Variants in AGBL4 observed in about 807,000 individuals in gnomAD.
The protein encoded by AGBL4 is cytosolic carboxypeptidase 6.
AGBL4 carries 58 observed loss-of-function variants against 66.4 expected under a neutral mutation model. The observed-to-expected ratio is 0.87, with a 90% CI of 0.71 to 1.09. AGBL4 has a LOEUF of 1.09. Among genes scored for constraint, AGBL4 ranks in the 50% least tolerant of loss-of-function variants. The pLI is 0.00. For synonymous variants in AGBL4, 234 were observed against 222.9 expected (o/e 1.05, Z -0.44); for missense variants, 579 against 631.0 (o/e 0.92, Z 0.88).
chr1:49,915,729 A>C (rs2148222111), intron 1 of AGBL4, among the ~76,000 whole-genome samples: 1 of 152,298 alleles, frequency 6.6e-6, no homozygotes, highest in Admixed American at 6.5e-5. Flanking sequence ...AGAGCTTTGA[A>C]GAGAGTAGTG....
chr1:48,552,641 C>A (rs1644265748), intron 11 of AGBL4, among the ~76,000 whole-genome samples: 1 of 152,164 alleles, frequency 6.6e-6, no homozygotes, highest in Non-Finnish European at 1.5e-5. Flanking sequence ...CTCATTGTGA[C>A]AACCAAGTGT....
chr1:49,917,877 A>G (rs1222600993), intron 1 of AGBL4, among the ~76,000 whole-genome samples: 1 of 152,170 alleles, frequency 6.6e-6, no homozygotes, highest in African/African-American at 2.4e-5. Context: ...AAATTATAAC[A>G]AACTCTCTCT....
chr1:48,634,907 A>G (rs319984), intron 8 of AGBL4, among the ~76,000 whole-genome samples: 72,193 of 151,986 alleles, frequency 0.47, 18,959 homozygotes, highest in Middle Eastern at 0.66. Flanking sequence ...ATAGACACAC[A>G]TGCACATCTT....
Position 49,877,450 on chromosome 1 carries a change from C to T in AGBL4, c.35-25932G>A, listed in dbSNP as rs916060349. On this transcript the variant is annotated intron_variant, in intron 1 of 13. Coordinates refer to ENST00000371839, the MANE Select transcript of AGBL4 (RefSeq NM_032785.4). ...TTTTGTCTTTGGTTCTGTTTATATG[C>T]TGGATTACATTTATTGATTTGCGTA... 5.7e-4 allele frequency among the ~76,000 whole-genome samples: 87 copies of T among 151,610 alleles called. 2 individuals are homozygous for T. The highest frequency in any genetic ancestry group is 2.0e-3 in the African/African-American group (84 of 41,168).
chr1:49,801,784 T>G (rs1248107088), intron 2 of AGBL4, among the ~76,000 whole-genome samples: 1 of 152,172 alleles, frequency 6.6e-6, no homozygotes, highest in African/African-American at 2.4e-5. Context: ...ACAGGCAATT[T>G]CTTAAAAAGC....
intron 6 of AGBL4, among the ~76,000 whole-genome samples, chr1:48,663,724 A>T (rs1463980962): frequency 6.6e-6 from 1 of 152,224 alleles, no homozygotes; most frequent in Non-Finnish European, 1.5e-5. Flanking sequence ...TAGAGAAGGT[A>T]GCTATTTATA....
intron 3 of AGBL4, among the ~76,000 whole-genome samples, chr1:49,277,874 T>C (rs1380670418): frequency 6.6e-6 from 1 of 152,182 alleles, no homozygotes; most frequent in Non-Finnish European, 1.5e-5. Context: ...CTGAATGGTG[T>C]TCAATAAAGC....
intron 1 of AGBL4, among the ~76,000 whole-genome samples, chr1:50,007,334 A>C (rs2148429858): frequency 1.3e-5 from 2 of 152,346 alleles, no homozygotes; most frequent in South Asian, 4.1e-4. Flanking sequence ...CAATCAAAAA[A>C]CAAGTAACAA....
intron 3 of AGBL4, among the ~76,000 whole-genome samples, chr1:49,518,755 G>A (rs1461459962): frequency 1.3e-5 from 2 of 152,038 alleles, no homozygotes; most frequent in Admixed American, 1.3e-4. Context: ...ATTAAAAGAT[G>A]GTTCTGATTT....
chr1:48,804,919 T>C (rs550141819), intron 6 of AGBL4, among the ~76,000 whole-genome samples: 2 of 152,348 alleles, frequency 1.3e-5, no homozygotes, highest in African/African-American at 4.8e-5. Flanking sequence ...TTTTAGGGCT[T>C]GCCATATTCT....
At chr1:48,907,905 A>T (rs1426687902) in intron 5 of AGBL4, among the ~76,000 whole-genome samples, 5 of 152,268 alleles carry the variant, frequency 3.3e-5, no homozygotes, top group African/African-American at 9.6e-5. Context: ...CCAGGCCAAG[A>T]AAAGGAGGGT....
At chr1:49,832,719 G>A (rs1042358102) in intron 2 of AGBL4, among the ~76,000 whole-genome samples, 50 of 152,206 alleles carry the variant, frequency 3.3e-4, no homozygotes, top group African/African-American at 1.1e-3. Context: ...TCTCATTGTG[G>A]TTTTGATTTG....
chr1:48,744,843 C>T (rs1650480273), intron 6 of AGBL4, among the ~76,000 whole-genome samples: 1 of 152,208 alleles, frequency 6.6e-6, no homozygotes, highest in South Asian at 2.1e-4. Flanking sequence ...TTCACCTCTG[C>T]TCAGGTACCC....
chr1:49,980,043 C>T (rs867582209), intron 1 of AGBL4, among the ~76,000 whole-genome samples: 7 of 151,880 alleles, frequency 4.6e-5, no homozygotes, highest in East Asian at 3.9e-4. Flanking sequence ...CTCTAACTTA[C>T]GGTAGGAATA....
At chr1:48,527,260 A>G in the AGBL4 span, among the ~76,000 whole-genome samples, 1 of 152,102 alleles carries the variant, frequency 6.6e-6, no homozygotes, top group African/African-American at 2.4e-5. Context: ...CCCCAAAGAC[A>G]TTAAATGATA....
intron 3 of AGBL4, among the ~76,000 whole-genome samples, chr1:49,428,936 C>T (rs1313727297): frequency 6.6e-6 from 1 of 152,200 alleles, no homozygotes; most frequent in Non-Finnish European, 1.5e-5. Context: ...CCCAAATTTG[C>T]CAGCCATTCT....
chr1:49,236,273 C>A (rs1650736751), intron 4 of AGBL4, among the ~76,000 whole-genome samples: 1 of 152,030 alleles, frequency 6.6e-6, no homozygotes, highest in Non-Finnish European at 1.5e-5. Context: ...ACTGATCCAC[C>A]CTCCTTGGTC....
intron 4 of AGBL4, among the ~76,000 whole-genome samples, chr1:49,108,511 T>C (rs999593290): frequency 7.9e-5 from 12 of 152,224 alleles, no homozygotes; most frequent in Admixed American, 5.9e-4. Flanking sequence ...CAAAACTGTA[T>C]CTAGAGTCTC....
At chr1:49,407,508 T>A (rs77314260) in intron 3 of AGBL4, among the ~76,000 whole-genome samples, 4,190 of 152,290 alleles carry the variant, frequency 0.028, 165 homozygotes, top group African/African-American at 0.095. Context: ...TTTCTATATA[T>A]TTACACACTC....
Sources: gnomAD v4.1 joint callset for allele counts (sites outside exome capture counted in the v4.1 genomes callset) on GRCh38, gnomAD v4.1.1 for gene constraint, MANE v1.5 for transcripts, NCBI Gene and HGNC (gene_info 2026-07-23, HGNC 2026-07-21) for gene names.